The following PCDHAC1 variants were observed in gnomAD, a reference collection of about 807,000 sequenced individuals.
PCDHAC1 encodes the protein protocadherin alpha subfamily C, 1, also known as protocadherin alpha-C1.
In PCDHAC1, 42 loss-of-function variants were observed where a neutral mutation model predicts 60.0. That is an observed-to-expected ratio of 0.70 (90% confidence interval 0.55 to 0.90). PCDHAC1 has a LOEUF of 0.90. PCDHAC1 is among the 40% of genes least tolerant of loss of function. The pLI is 0.00. For synonymous variants in PCDHAC1, 468 were observed against 499.3 expected, an observed-to-expected ratio of 0.94 and a Z score of 0.84; for missense variants, 1,160 against 1,222.3, an observed-to-expected ratio of 0.95 and a Z score of 0.76.
chr5:140,989,728 A>T (rs1453115061), intron 3 of PCDHAC1, among the ~76,000 whole-genome samples: 6 of 152,184 alleles, frequency 3.9e-5, no homozygotes, highest in Admixed American at 3.9e-4. Flanking sequence ...TTGCAGTTGA[A>T]AAGGCCATTG....
Position 141,010,042 on chromosome 5 carries a change from TAGAGACCTCAG to T in PCDHAC1, c.*107_*117del. ...TTTTTCCTATCTACATGAGCCCTCTTAGAGACCTCAGAAATCTGCAGAAAGTTCCCTGTGTC... is the reference window on the plus strand; with the variant it reads ...TTTTTCCTATCTACATGAGCCCTCTTAAATCTGCAGAAAGTTCCCTGTGTC... On this transcript the variant is annotated 3_prime_UTR_variant, in exon 4 of 4. Transcript: ENST00000253807. 6.3e-7 allele frequency: 1 copy of T among 1,594,374 alleles called. No individual in the cohort carries two copies. The highest frequency in any genetic ancestry group is 1.2e-5 in the South Asian group (1 of 86,942).
chr5:140,990,621 G>A (rs75224471), intron 3 of PCDHAC1, among the ~76,000 whole-genome samples: 1,861 of 152,288 alleles, frequency 0.012, 44 homozygotes, highest in African/African-American at 0.043. Context: ...GTAAAGGTCT[G>A]TGGTAAGACT....
intron 1 of PCDHAC1, among the ~76,000 whole-genome samples, chr5:140,939,289 A>G (rs1186126336): frequency 1.3e-5 from 2 of 152,102 alleles, no homozygotes; most frequent in African/African-American, 4.8e-5. Flanking sequence ...TCGTGATCTA[A>G]TCATCTCTAC....
chr5:140,958,867 T>A (rs1312043891), intron 1 of PCDHAC1, among the ~76,000 whole-genome samples: 1 of 152,146 alleles, frequency 6.6e-6, no homozygotes, highest in Admixed American at 6.5e-5. Context: ...ACTGGGTTTA[T>A]AAAAGAATTG....
chr5:140,956,194 A>G (rs1370463281), intron 1 of PCDHAC1, among the ~76,000 whole-genome samples: 1 of 152,060 alleles, frequency 6.6e-6, no homozygotes, highest in Non-Finnish European at 1.5e-5. Flanking sequence ...GCTGAATAGG[A>G]GTGGTGAAAG....
At chr5:140,941,194 T>TCTTC (rs781904538) in intron 1 of PCDHAC1, among the ~76,000 whole-genome samples, 2 of 112,354 alleles carry the variant, frequency 1.8e-5, no homozygotes, top group Non-Finnish European at 3.8e-5. Context: ...TCTTTTTTTT[T>TCTTC]CTTTCTTCCT....
At chr5:140,970,565 T>C (rs1346006828) in intron 1 of PCDHAC1, among the ~76,000 whole-genome samples, 2 of 152,182 alleles carry the variant, frequency 1.3e-5, no homozygotes, top group Non-Finnish European at 2.9e-5. Flanking sequence ...TCTCCATATG[T>C]ATGCTTGAAA....
chr5:140,995,883 A>C (rs892876266), intron 3 of PCDHAC1, among the ~76,000 whole-genome samples: 2 of 152,232 alleles, frequency 1.3e-5, no homozygotes, highest in Admixed American at 6.5e-5. Flanking sequence ...CCTGTGCTTC[A>C]GATTTATCAA....
intron 1 of PCDHAC1, chr5:140,967,765 C>A: frequency 6.2e-7 from 1 of 1,614,234 alleles, no homozygotes; most frequent in Non-Finnish European, 8.5e-7. Context: ...CCTACCAGAT[C>A]TATGTGCAGG....
At position 140,926,943 on chromosome 5, in the gene PCDHAC1, T is replaced by C. The variant is rs2083677139; in HGVS notation, c.51T>C (p.Ala17=). The C allele has an allele frequency of 6.3e-7, 1 of 1,587,096 alleles. No homozygotes were observed. Among genetic ancestry groups the C allele is most frequent in the Non-Finnish European group, 8.6e-7 (1 of 1,163,658 alleles). ...AVLCLWVSCG[A]AAGQLEYSVP... is the part of the protein sequence containing the mutation. Reference sequence around the variant, plus strand: ...TATGTTTGTGGGTTTCCTGCGGCGCTGCAGCGGGACAGCTCGAGTACTCAG... The same window carrying C: ...TATGTTTGTGGGTTTCCTGCGGCGCCGCAGCGGGACAGCTCGAGTACTCAG... Residue 17 remains alanine (A), a synonymous_variant, in exon 1 of 4, where the codon GCT becomes GCC. Transcript: ENST00000253807.
intron 3 of PCDHAC1, among the ~76,000 whole-genome samples, chr5:140,999,980 C>A (rs1386394350): frequency 6.6e-6 from 1 of 152,076 alleles, no homozygotes; most frequent in Non-Finnish European, 1.5e-5. Context: ...GCTCTAGCGG[C>A]CTCTGGGTAG....
chr5:140,940,413 A>G (rs2092607327), intron 1 of PCDHAC1, among the ~76,000 whole-genome samples: 1 of 152,166 alleles, frequency 6.6e-6, no homozygotes, highest in East Asian at 1.9e-4. Context: ...TTTAAAAATT[A>G]TAATTATTAC....
At chr5:140,965,703 G>T (rs1280783019) in intron 1 of PCDHAC1, among the ~76,000 whole-genome samples, 1 of 152,178 alleles carries the variant, frequency 6.6e-6, no homozygotes, top group Non-Finnish European at 1.5e-5. Flanking sequence ...GAAAAAGCTT[G>T]AGAGAAGAAT....
intron 1 of PCDHAC1, among the ~76,000 whole-genome samples, chr5:140,953,720 G>C (rs2094928996): frequency 6.6e-6 from 1 of 152,068 alleles, no homozygotes; most frequent in African/African-American, 2.4e-5. Flanking sequence ...CAGACATTGT[G>C]TTTTGAAATT....
intron 1 of PCDHAC1, among the ~76,000 whole-genome samples, chr5:140,947,744 TG>T (rs1227312993): frequency 6.6e-6 from 1 of 151,630 alleles, no homozygotes; most frequent in Non-Finnish European, 1.5e-5. Flanking sequence ...CCTATTCTTA[TG>T]TATTTTATGG....
intron 3 of PCDHAC1, among the ~76,000 whole-genome samples, chr5:140,994,862 G>A (rs1434007632): frequency 1.3e-5 from 2 of 152,174 alleles, no homozygotes; most frequent in African/African-American, 4.8e-5. Flanking sequence ...TTTGATGGAT[G>A]TGGTAGAATA....
At chr5:140,968,020 C>G (rs1554230190) in intron 1 of PCDHAC1, 1 of 1,614,202 alleles carries the variant, frequency 6.2e-7, no homozygotes, top group Non-Finnish European at 8.5e-7. Context: ...TTGGAAACTC[C>G]TATACACTGG....
rs781860300 is a variant in PCDHAC1 at position 140,928,875 on chromosome 5, T to C, written c.1983T>C (p.Pro661=). The change falls in exon 1 of 4, where the codon CCT becomes CCC. Residue 661 remains proline, a synonymous_variant. Transcript: ENST00000253807. ...GTGTGCTGTTGAGCAACTCTGTCCC[T>C]CAGTTACTTCCAGACTTTGAAGATG... is the stretch of plus-strand genomic sequence containing the variant. The part of the protein sequence containing the change: ...TLGVLLSNSV[P]QLLPDFEDVW... 6.2e-7 allele frequency: 1 copy of C among 1,614,184 alleles called. No homozygotes were observed. Among genetic ancestry groups the C allele is most frequent in the Non-Finnish European group, 8.5e-7 (1 of 1,180,038 alleles).
At chr5:140,933,848 C>T (rs1176922942) in intron 1 of PCDHAC1, among the ~76,000 whole-genome samples, 6 of 151,862 alleles carry the variant, frequency 4.0e-5, no homozygotes, top group African/African-American at 1.5e-4. Context: ...ATTCCTGTAC[C>T]TTTAATTTTT....
Sources: allele counts gnomAD v4.1 joint callset (sites outside exome capture counted in the v4.1 genomes callset), GRCh38; gene constraint gnomAD v4.1.1; transcripts MANE v1.5; gene names NCBI Gene and HGNC (gene_info 2026-07-23, HGNC 2026-07-21).